PCDH15: variants seen among roughly 807,000 people sequenced by gnomAD.
The protein encoded by PCDH15 is protocadherin-15.
In PCDH15, 129 loss-of-function variants were observed where a neutral mutation model predicts 178.5. The ratio of observed to expected loss-of-function variants is 0.72; its 90% CI spans 0.63 to 0.84. PCDH15 has a LOEUF of 0.84. Ranked by LOEUF, PCDH15 falls within the 40% of genes least tolerant of loss-of-function variation. The probability of loss-of-function intolerance (pLI) is 0.00; values close to 1 mark genes in which losing one functional copy is unlikely to be tolerated. For missense variants in PCDH15, 2,230 were observed against 2,099.9 expected, an observed-to-expected ratio of 1.06 and a Z score of -1.21; for synonymous variants, 800 against 732.0, an observed-to-expected ratio of 1.09 and a Z score of -1.50.
rs189673235 is a variant in PCDH15, at chr10:55,355,524, C to A, written c.-155-188873G>T. Among the ~76,000 whole-genome samples the A allele has an allele frequency of 4.6e-5, 7 of 152,046 alleles. No individual in the cohort carries two copies. The East Asian group carries it at 1.4e-3, about 29-fold the overall frequency. On this transcript the variant is annotated intron_variant, in intron 2 of 5. Transcript: ENST00000613346. Reference sequence around the variant, plus strand: ...CACATATTTTCATGGGCTAATTTCACACATTTATATCTTCCTGGGTTAAGT... The same window carrying A: ...CACATATTTTCATGGGCTAATTTCAAACATTTATATCTTCCTGGGTTAAGT...
chr10:53,941,987 C>A (rs1194859567), intron 23 of PCDH15, among the ~76,000 whole-genome samples: 1 of 152,136 alleles, frequency 6.6e-6, no homozygotes, highest in African/African-American at 2.4e-5. Flanking sequence ...TTCATTGAAA[C>A]CTTTTACAAA....
intron 18 of PCDH15, among the ~76,000 whole-genome samples, chr10:54,031,649 A>G (rs2093298764): frequency 6.6e-6 from 1 of 152,130 alleles, no homozygotes; most frequent in South Asian, 2.1e-4. Context: ...ATTAAATAAG[A>G]CAGTTTAAGC....
At chr10:54,248,445 C>A (rs1025536594) in intron 8 of PCDH15, among the ~76,000 whole-genome samples, 1 of 151,912 alleles carries the variant, frequency 6.6e-6, no homozygotes, top group Non-Finnish European at 1.5e-5. Flanking sequence ...ATAATAAATT[C>A]ATTCCCTACA....
At chr10:55,276,639 C>G (rs1040011648) in intron 1 of PCDH15, among the ~76,000 whole-genome samples, 4 of 151,502 alleles carry the variant, frequency 2.6e-5, no homozygotes, top group African/African-American at 9.7e-5. Flanking sequence ...GCAAGTGAAT[C>G]TGTGATTTTA....
chr10:55,116,293 T>G (rs1837626113), intron 2 of PCDH15, among the ~76,000 whole-genome samples: 1 of 152,198 alleles, frequency 6.6e-6, no homozygotes, highest in Admixed American at 6.5e-5. Context: ...TTAAGATTAT[T>G]TACAATAACC....
At chr10:54,067,303 T>C (rs774126015) in intron 17 of PCDH15, among the ~76,000 whole-genome samples, 1 of 152,162 alleles carries the variant, frequency 6.6e-6, no homozygotes, top group Non-Finnish European at 1.5e-5. Context: ...CAGTACATTA[T>C]AAAATAGCAT....
At chr10:55,556,743 A>G (rs1247305483) in intron 2 of PCDH15, among the ~76,000 whole-genome samples, 1 of 152,150 alleles carries the variant, frequency 6.6e-6, no homozygotes, top group Non-Finnish European at 1.5e-5. Context: ...TGGGAGGCTG[A>G]GGCAGGAGAA....
chr10:54,055,893 A>G (rs1372756660), intron 18 of PCDH15, among the ~76,000 whole-genome samples: 1 of 152,236 alleles, frequency 6.6e-6, no homozygotes, highest in Non-Finnish European at 1.5e-5. Context: ...AATTCACAGA[A>G]CATTAGTTGA....
intron 1 of PCDH15, among the ~76,000 whole-genome samples, chr10:55,168,229 C>T (rs1257213363): frequency 6.6e-6 from 1 of 152,066 alleles, no homozygotes; most frequent in Admixed American, 6.6e-5. Flanking sequence ...CCACCACCAC[C>T]CCTATCCCCG....
chr10:55,516,668 A>G (rs1565214248), intron 2 of PCDH15, among the ~76,000 whole-genome samples: 2 of 152,124 alleles, frequency 1.3e-5, no homozygotes, highest in African/African-American at 2.4e-5. Flanking sequence ...TTTAGAATCA[A>G]TTGGCGAGAA....
chr10:54,109,695 C>T (rs764716812), intron 15 of PCDH15, among the ~76,000 whole-genome samples: 36 of 151,866 alleles, frequency 2.4e-4, no homozygotes, highest in Non-Finnish European at 4.3e-4. Context: ...GGCAGGGAAG[C>T]GTAATGCAGG....
At chr10:55,377,230 T>TA (rs1435654475) in intron 2 of PCDH15, among the ~76,000 whole-genome samples, 1 of 151,634 alleles carries the variant, frequency 6.6e-6, no homozygotes, top group East Asian at 1.9e-4. Flanking sequence ...CAAACTATTT[T>TA]AAGTTACAAC....
chr10:55,601,610 C>G (rs956483763), intron 2 of PCDH15, among the ~76,000 whole-genome samples: 2 of 151,944 alleles, frequency 1.3e-5, no homozygotes, highest in Admixed American at 1.3e-4. Context: ...AGAGAAATTA[C>G]AGATATATTA....
chr10:54,946,803 T>C (rs186184601), intron 2 of PCDH15, among the ~76,000 whole-genome samples: 5 of 152,004 alleles, frequency 3.3e-5, no homozygotes, highest in Non-Finnish European at 1.5e-5. Context: ...AGGAATTAGT[T>C]AAGTGATAAT....
intron 2 of PCDH15, among the ~76,000 whole-genome samples, chr10:55,400,572 C>T (rs1186383524): frequency 6.6e-6 from 1 of 152,064 alleles, no homozygotes; most frequent in Non-Finnish European, 1.5e-5. Flanking sequence ...CAATATTCTC[C>T]GTGCTCCCAT....
chr10:54,500,915 A>T (rs1312825794), intron 3 of PCDH15, among the ~76,000 whole-genome samples: 1 of 152,148 alleles, frequency 6.6e-6, no homozygotes, highest in Non-Finnish European at 1.5e-5. Context: ...GCCATAAAAA[A>T]GAATGAGTTC....
intron 2 of PCDH15, among the ~76,000 whole-genome samples, chr10:55,061,859 A>C (rs1841443573): frequency 6.6e-6 from 1 of 152,140 alleles, no homozygotes; most frequent in Admixed American, 6.6e-5. Context: ...GACTCTACTA[A>C]AAATACAAAA....
intron 1 of PCDH15, among the ~76,000 whole-genome samples, chr10:54,798,182 T>C (rs961559701): frequency 6.6e-6 from 1 of 152,080 alleles, no homozygotes; most frequent in South Asian, 2.1e-4. Flanking sequence ...TTACTCACAT[T>C]AGCTTTTTTT....
chr10:53,944,479 T>G (rs781029058), intron 23 of PCDH15, among the ~76,000 whole-genome samples: 1 of 152,212 alleles, frequency 6.6e-6, no homozygotes, highest in Non-Finnish European at 1.5e-5. Context: ...AAAAAAATAT[T>G]TTCTCTATTA....
Sources: allele counts gnomAD v4.1 joint callset (sites outside exome capture counted in the v4.1 genomes callset), GRCh38; gene constraint gnomAD v4.1.1; transcripts MANE v1.5; gene names NCBI Gene and HGNC (gene_info 2026-07-23, HGNC 2026-07-21).